TENM3: variants seen among roughly 807,000 people sequenced by gnomAD.
The protein encoded by TENM3 is teneurin-3.
A neutral mutation model predicts 255.1 loss-of-function variants in TENM3; 63 were observed. That is an observed-to-expected ratio of 0.25 (90% CI 0.20 to 0.30). TENM3 has a LOEUF of 0.30. Among genes scored for constraint, TENM3 ranks in the 10% least tolerant of loss-of-function variants. The pLI, the probability that TENM3 is intolerant of heterozygous loss-of-function variation, is 1.00. For missense variants in TENM3, 2,929 were observed against 3,461.1 expected (o/e 0.85, Z 3.86); for synonymous variants, 1,306 against 1,322.3 (o/e 0.99, Z 0.27).
intron 13 of TENM3, among the ~76,000 whole-genome samples, chr4:182,726,715 C>T (rs1052366274): frequency 7.2e-5 from 11 of 152,140 alleles, no homozygotes; most frequent in African/African-American, 1.4e-4. Flanking sequence ...GCACAGCGTC[C>T]GCTACTTTTA....
At chr4:182,017,004 A>T in the TENM3 span, among the ~76,000 whole-genome samples, 1 of 152,360 alleles carries the variant, frequency 6.6e-6, no homozygotes, top group Non-Finnish European at 1.5e-5. Context: ...AAAATTTGCC[A>T]AATACACCCT....
chr4:182,321,059 T>A (rs889890413), intron 1 of TENM3, among the ~76,000 whole-genome samples: 8 of 152,236 alleles, frequency 5.3e-5, no homozygotes, highest in Admixed American at 3.9e-4. Flanking sequence ...TTACTAAAAA[T>A]GCTCGAATTA....
At chr4:181,686,238 A>G in the TENM3 span, among the ~76,000 whole-genome samples, 1 of 152,192 alleles carries the variant, frequency 6.6e-6, no homozygotes, top group Non-Finnish European at 1.5e-5. Flanking sequence ...ATAACAGGGA[A>G]CAAGATTTTT....
At chr4:182,008,755 C>T in the TENM3 span, among the ~76,000 whole-genome samples, 65 of 152,108 alleles carry the variant, frequency 4.3e-4, no homozygotes, top group East Asian at 3.3e-3. Context: ...TCCAGTTCTG[C>T]GCCCTTGATG....
At chr4:182,624,397 G>A (rs1004416572) in intron 4 of TENM3, among the ~76,000 whole-genome samples, 2 of 152,124 alleles carry the variant, frequency 1.3e-5, no homozygotes, top group East Asian at 1.9e-4. Context: ...TTCTCTACAC[G>A]CAGCTTTGCC....
At chr4:181,535,563 G>C in the TENM3 span, among the ~76,000 whole-genome samples, 1 of 152,084 alleles carries the variant, frequency 6.6e-6, no homozygotes, top group Non-Finnish European at 1.5e-5. Context: ...CCCTTAAATG[G>C]CTGCTCCCCA....
the TENM3 span, among the ~76,000 whole-genome samples, chr4:181,703,993 A>G: frequency 1.3e-5 from 2 of 152,298 alleles, no homozygotes; most frequent in Non-Finnish European, 2.9e-5. Context: ...GGAATGACAC[A>G]TAGACAGCAT....
the TENM3 span, among the ~76,000 whole-genome samples, chr4:181,965,156 CA>C: frequency 6.6e-6 from 1 of 152,122 alleles, no homozygotes; most frequent in South Asian, 2.1e-4. Flanking sequence ...CATAGGTAAA[CA>C]GGTCATAATT....
the TENM3 span, among the ~76,000 whole-genome samples, chr4:181,869,602 C>T: frequency 6.6e-6 from 1 of 151,804 alleles, no homozygotes; most frequent in Non-Finnish European, 1.5e-5. Context: ...ATGTAACCAC[C>T]CATAAATATA....
At chr4:182,190,553 G>A (rs899993850) in intron 1 of TENM3, among the ~76,000 whole-genome samples, 2 of 152,138 alleles carry the variant, frequency 1.3e-5, no homozygotes, top group Non-Finnish European at 2.9e-5. Context: ...CCAGTAATCC[G>A]TTTATAACTG....
the TENM3 span, among the ~76,000 whole-genome samples, chr4:181,926,031 C>T: frequency 6.6e-6 from 1 of 152,142 alleles, no homozygotes; most frequent in South Asian, 2.1e-4. Context: ...ATGACCTCAC[C>T]CTTTCACTTG....
chr4:182,191,049 G>A (rs1036412291), intron 1 of TENM3, among the ~76,000 whole-genome samples: 3 of 152,124 alleles, frequency 2.0e-5, no homozygotes, highest in African/African-American at 7.2e-5. Flanking sequence ...TTTCTGTTCA[G>A]AGCAGTGACA....
chr4:181,761,559 T>C, the TENM3 span, among the ~76,000 whole-genome samples: 2 of 152,272 alleles, frequency 1.3e-5, no homozygotes. Context: ...CACAACCATA[T>C]TCCACTAAAT....
chr4:182,751,662 G>GTAC lies in TENM3; in HGVS notation c.3630-135_3630-133dup, dbSNP rs1051205668. ...CTTTTGAGTCATTATTAAATAGACA[G>GTAC]TACTATTCATGTCTAATCTTTGATC... is the stretch of plus-strand genomic sequence containing the variant. On this transcript the variant is annotated intron_variant, in intron 19 of 27. Transcript: ENST00000511685. 6.6e-5 allele frequency: 43 copies of GTAC among 649,720 alleles called. No individual in the cohort carries two copies. In the African/African-American group the frequency reaches 7.4e-4, roughly 11 times the overall value. The allele number at this position is 649,720 out of a possible 1,614,324, so 40.2% of individuals were successfully genotyped here.
chr4:181,720,854 A>T, the TENM3 span, among the ~76,000 whole-genome samples: 1 of 152,298 alleles, frequency 6.6e-6, no homozygotes, highest in Non-Finnish European at 1.5e-5. Flanking sequence ...GTGAGTCATA[A>T]ACTAATTCTG....
the TENM3 span, among the ~76,000 whole-genome samples, chr4:181,700,237 T>C: frequency 6.6e-6 from 1 of 152,086 alleles, no homozygotes; most frequent in African/African-American, 2.4e-5. Context: ...GGTCTTTTTT[T>C]TTTTTCTTTT....
At chr4:182,050,447 G>A in the TENM3 span, among the ~76,000 whole-genome samples, 3 of 152,192 alleles carry the variant, frequency 2.0e-5, no homozygotes, top group African/African-American at 7.2e-5. Flanking sequence ...ATACAGCAAA[G>A]GCCCAGTGAC....
chr4:181,952,596 C>T, the TENM3 span, among the ~76,000 whole-genome samples: 2 of 152,180 alleles, frequency 1.3e-5, no homozygotes, highest in Admixed American at 1.3e-4. Flanking sequence ...TAGGCCCATC[C>T]CACGAACAAC....
the TENM3 span, among the ~76,000 whole-genome samples, chr4:181,671,478 T>A: frequency 6.6e-6 from 1 of 152,122 alleles, no homozygotes; most frequent in African/African-American, 2.4e-5. Context: ...TTAATACTCG[T>A]ATGATTTAGG....
Sources: allele counts gnomAD v4.1 joint callset (sites outside exome capture counted in the v4.1 genomes callset), GRCh38; gene constraint gnomAD v4.1.1; transcripts MANE v1.5; gene names NCBI Gene and HGNC (gene_info 2026-07-23, HGNC 2026-07-21).